NRXN3: variants seen among roughly 807,000 people sequenced by gnomAD.
The protein encoded by NRXN3 is neurexin III.
NRXN3 carries 32 observed loss-of-function variants against 137.6 expected under a neutral mutation model. The ratio of observed to expected loss-of-function variants is 0.23; its 90% CI spans 0.18 to 0.31. The LOEUF (loss-of-function observed/expected upper bound fraction) is 0.31. Among genes scored for constraint, NRXN3 ranks in the 10% least tolerant of loss-of-function variants. The pLI is 1.00. For synonymous variants in NRXN3, 798 were observed against 784.5 expected (o/e 1.02, Z -0.29); for missense variants, 1,574 against 2,062.5 (o/e 0.76, Z 4.59).
Position 78,297,868 on chromosome 14 carries a change from C to G in NRXN3, c.757+8C>G. Reference sequence around the variant, plus strand: ...TCATGATGAGTGAACAAGGTAGGTGCTTTGTGCTTGTGGTCCTGCAGCTGC... The same window carrying G: ...TCATGATGAGTGAACAAGGTAGGTGGTTTGTGCTTGTGGTCCTGCAGCTGC... On this transcript the variant is annotated splice_region_variant and intron_variant, in intron 4 of 20. Coordinates refer to ENST00000335750, the MANE Select transcript of NRXN3 (RefSeq NM_001330195.2). 6.5e-7 allele frequency: 1 copy of G among 1,536,398 alleles called. No individual in the cohort carries two copies. The highest frequency in any genetic ancestry group is 8.7e-7 in the Non-Finnish European group (1 of 1,146,944).
At chr14:78,741,911 CT>C (rs988343694) in intron 8 of NRXN3, among the ~76,000 whole-genome samples, 1 of 152,154 alleles carries the variant, frequency 6.6e-6, no homozygotes, top group South Asian at 2.1e-4. Context: ...CCTTTCTCCC[CT>C]GTCTAGTGTT....
intron 15 of NRXN3, among the ~76,000 whole-genome samples, chr14:79,446,756 T>A (rs936954234): frequency 6.6e-6 from 1 of 152,172 alleles, no homozygotes; most frequent in African/African-American, 2.4e-5. Flanking sequence ...CTTGTGTGCA[T>A]AAGCATTTCT....
At chr14:79,039,782 C>G (rs1004501644) in intron 15 of NRXN3, among the ~76,000 whole-genome samples, 6 of 152,090 alleles carry the variant, frequency 3.9e-5, no homozygotes, top group Non-Finnish European at 5.9e-5. Flanking sequence ...AAACTAGACT[C>G]CTGGGCTCAA....
At chr14:79,469,050 A>G (rs1035330563) in intron 16 of NRXN3, among the ~76,000 whole-genome samples, 21 of 152,378 alleles carry the variant, frequency 1.4e-4, no homozygotes, top group African/African-American at 5.0e-4. Context: ...GATTTATGCT[A>G]CATATAACTT....
At position 79,762,170 on chromosome 14, in the gene NRXN3, G is replaced by A. The variant is rs1009687380; in HGVS notation, c.4015-42942G>A. 2.3e-4 allele frequency among the ~76,000 whole-genome samples: 35 copies of A among 151,718 alleles called. 1 individual carries two copies. Among genetic ancestry groups the A allele is most frequent in the African/African-American group, 8.3e-4 (34 of 41,022 alleles). On this transcript the variant is annotated intron_variant, in intron 19 of 20. Transcript: ENST00000335750. ...CTTCTACCATACTCCAGAGGAATCA[G>A]TCTGGGTGACTTCATAAAACAGTAT...
intron 15 of NRXN3, among the ~76,000 whole-genome samples, chr14:79,317,864 T>G (rs2089182435): frequency 6.6e-6 from 1 of 152,204 alleles, no homozygotes; most frequent in Non-Finnish European, 1.5e-5. Context: ...TGAATGAAAA[T>G]ACCTACATTG....
At chr14:78,518,774 C>A (rs1007087851) in intron 4 of NRXN3, among the ~76,000 whole-genome samples, 1 of 152,068 alleles carries the variant, frequency 6.6e-6, no homozygotes. Flanking sequence ...TGGATACATC[C>A]TGAGGCAGGT....
chr14:78,544,300 G>C (rs1009788556), intron 4 of NRXN3, among the ~76,000 whole-genome samples: 1 of 152,220 alleles, frequency 6.6e-6, no homozygotes, highest in African/African-American at 2.4e-5. Context: ...TCCTCACTGA[G>C]ACCATGGTAA....
intron 16 of NRXN3, among the ~76,000 whole-genome samples, chr14:79,480,823 C>T (rs1424341553): frequency 6.6e-6 from 1 of 152,104 alleles, no homozygotes; most frequent in Admixed American, 6.6e-5. Flanking sequence ...CCTCTCTCTT[C>T]CTCTTGCTCC....
intron 18 of NRXN3, among the ~76,000 whole-genome samples, chr14:79,697,208 G>A (rs1363053174): frequency 1.3e-5 from 2 of 151,616 alleles, no homozygotes; most frequent in Admixed American, 6.6e-5. Context: ...GAGTTTTTTT[G>A]GCCATATTTA....
intron 4 of NRXN3, among the ~76,000 whole-genome samples, chr14:78,627,104 TTCTCTC>T (rs68104206): frequency 0.063 from 7,584 of 121,004 alleles, 245 homozygotes; most frequent in Admixed American, 0.11. Flanking sequence ...CCTCCCTCCC[TTCTCTC>T]TCTCTCTCTC....
intron 4 of NRXN3, among the ~76,000 whole-genome samples, chr14:78,368,107 C>T (rs1178867707): frequency 3.3e-5 from 5 of 152,146 alleles, no homozygotes; most frequent in Non-Finnish European, 5.9e-5. Flanking sequence ...AGAAAACTAC[C>T]GTTTAAAATG....
At chr14:79,403,251 A>T (rs1425092615) in intron 15 of NRXN3, among the ~76,000 whole-genome samples, 1 of 152,194 alleles carries the variant, frequency 6.6e-6, no homozygotes, top group Non-Finnish European at 1.5e-5. Context: ...GTGTGAACGG[A>T]CATATGCATG....
intron 15 of NRXN3, among the ~76,000 whole-genome samples, chr14:79,037,406 C>A (rs889817999): frequency 6.6e-6 from 1 of 152,088 alleles, no homozygotes; most frequent in Admixed American, 6.6e-5. Flanking sequence ...TGTATGACAG[C>A]CACATATAAT....
At chr14:78,387,729 C>A (rs2090177399) in intron 4 of NRXN3, among the ~76,000 whole-genome samples, 1 of 152,182 alleles carries the variant, frequency 6.6e-6, no homozygotes, top group South Asian at 2.1e-4. Context: ...ATCTCTGATC[C>A]AATAAGGACT....
chr14:78,499,307 C>T (rs947745697), intron 4 of NRXN3, among the ~76,000 whole-genome samples: 8 of 151,910 alleles, frequency 5.3e-5, no homozygotes, highest in African/African-American at 1.2e-4. Context: ...CATTAAAGTC[C>T]GTCTGTAAAG....
At chr14:79,343,957 C>A (rs997027682) in intron 15 of NRXN3, among the ~76,000 whole-genome samples, 2 of 152,084 alleles carry the variant, frequency 1.3e-5, no homozygotes, top group African/African-American at 4.8e-5. Flanking sequence ...TCACTTTTGC[C>A]AGAGGGATAG....
Position 79,484,103 on chromosome 14 carries a change from C to T in NRXN3, c.3444+16701C>T, listed in dbSNP as rs550956679. The stretch of plus-strand genomic sequence containing the variant: ...CCACTGGTCACGAACCGGATCAGTA[C>T]ATGGAGATTCCTGAGCATATGCAGG... On this transcript the variant is annotated intron_variant, in intron 16 of 20. Transcript: ENST00000335750. 4.6e-5 allele frequency among the ~76,000 whole-genome samples: 7 copies of T among 152,302 alleles called. No homozygotes were observed. The South Asian group carries it at 1.2e-3, about 27-fold the overall frequency.
chr14:78,409,738 A>C (rs548418286), intron 4 of NRXN3, among the ~76,000 whole-genome samples: 58 of 152,272 alleles, frequency 3.8e-4, no homozygotes, highest in African/African-American at 1.3e-3. Context: ...GAAAAGATAG[A>C]TCTCAATTTC....
Sources: gnomAD v4.1 joint callset for allele counts (sites outside exome capture counted in the v4.1 genomes callset) on GRCh38, gnomAD v4.1.1 for gene constraint, MANE v1.5 for transcripts, NCBI Gene and HGNC (gene_info 2026-07-23, HGNC 2026-07-21) for gene names.